Variants in NTM observed in about 807,000 individuals in gnomAD.
NTM encodes IgLON family member 2.
NTM carries 13 observed loss-of-function variants against 42.1 expected under a neutral mutation model. That is an observed-to-expected ratio of 0.31 (90% confidence interval 0.20 to 0.49). The LOEUF (loss-of-function observed/expected upper bound fraction) is 0.49, where lower values mean the gene tolerates loss of function less well. NTM is among the 20% of genes least tolerant of loss of function. NTM has a pLI of 0.99. For synonymous variants in NTM, 187 were observed against 179.2 expected (o/e 1.04, Z -0.35); for missense variants, 373 against 452.8 (o/e 0.82, Z 1.60).
intron 1 of NTM, among the ~76,000 whole-genome samples, chr11:131,880,951 A>G (rs896926232): frequency 6.6e-6 from 1 of 152,198 alleles, no homozygotes; most frequent in African/African-American, 2.4e-5. Flanking sequence ...CTTAAAAGAT[A>G]TTAGCCACCA....
intron 1 of NTM, among the ~76,000 whole-genome samples, chr11:131,521,383 C>CTGTTTT (rs2049668246): frequency 2.2e-5 from 1 of 45,720 alleles, no homozygotes; most frequent in South Asian, 9.3e-4. Flanking sequence ...AGGTGCCAGT[C>CTGTTTT]TTTTTTTTTT....
At chr11:132,052,935 G>T (rs2079068041) in intron 2 of NTM, among the ~76,000 whole-genome samples, 1 of 151,972 alleles carries the variant, frequency 6.6e-6, no homozygotes, top group Non-Finnish European at 1.5e-5. Flanking sequence ...CTCTAAAATG[G>T]ACCTAAACTA....
intron 5 of NTM, among the ~76,000 whole-genome samples, chr11:132,309,892 C>CTAAAAATACAAAAATTAGGCAG (rs2095226811): frequency 1.3e-5 from 2 of 152,114 alleles, no homozygotes; most frequent in South Asian, 4.2e-4. Context: ...CCCGTCGCTG[C>CTAAAAATACAAAAATTAGGCAG]TAAAAATACA....
At position 131,840,431 on chromosome 11, in the gene NTM, G is replaced by A. The variant is rs114871250; in HGVS notation, c.83-71133G>A. Among the ~76,000 whole-genome samples, 459 of 152,230 alleles carry A rather than the reference G, an allele frequency of 3.0e-3. 1 individual carries two copies. The highest frequency in any genetic ancestry group is 0.01 in the African/African-American group (432 of 41,542). On this transcript the variant is annotated intron_variant, in intron 1 of 8. Transcript: ENST00000683400. ...TCGATCAACTGTGTCACACGCTGCCGATGGACCAAGTAAGAGGAGGTCTGA... is the reference window on the plus strand; with the variant it reads ...TCGATCAACTGTGTCACACGCTGCCAATGGACCAAGTAAGAGGAGGTCTGA...
chr11:131,524,691 AATTT>A (rs1177410153), intron 1 of NTM, among the ~76,000 whole-genome samples: 3 of 152,232 alleles, frequency 2.0e-5, no homozygotes, highest in Non-Finnish European at 4.4e-5. Context: ...TCTGAGACGT[AATTT>A]AGCAAATAAG....
intron 4 of NTM, among the ~76,000 whole-genome samples, chr11:132,283,662 C>T (rs1298597663): frequency 2.0e-5 from 3 of 152,220 alleles, no homozygotes; most frequent in African/African-American, 7.2e-5. Context: ...CCAGTTCTCT[C>T]TGCAGTTGCT....
At chr11:131,797,995 T>TA (rs139540828) in intron 1 of NTM, among the ~76,000 whole-genome samples, 11,733 of 151,338 alleles carry the variant, frequency 0.078, 791 homozygotes, top group Admixed American at 0.24. Flanking sequence ...TTTATGAAAT[T>TA]AAAAAAAAAT....
chr11:131,789,877 A>T (rs1026756044), intron 1 of NTM, among the ~76,000 whole-genome samples: 7 of 141,366 alleles, frequency 5.0e-5, no homozygotes, highest in African/African-American at 1.8e-4. Flanking sequence ...AATGGCGTGA[A>T]CCCGGGAGGC....
At chr11:131,452,506 G>A (rs1294344616) in intron 1 of NTM, among the ~76,000 whole-genome samples, 1 of 152,244 alleles carries the variant, frequency 6.6e-6, no homozygotes, top group East Asian at 1.9e-4. Context: ...ACTGACATGT[G>A]TGTGCTCATT....
Position 132,286,801 on chromosome 11 carries a change from A to G in NTM, c.527-20888A>G, listed in dbSNP as rs527556334. ...GACCACCATGACAATGGTGTATCCA[A>G]TGAGAAAACAAACTAGGGAGATGCA... is the stretch of plus-strand genomic sequence containing the variant. On this transcript the variant is annotated intron_variant, in intron 4 of 8. Coordinates refer to ENST00000683400, the MANE Select transcript of NTM (RefSeq NM_001352005.2). 5.4e-4 allele frequency among the ~76,000 whole-genome samples: 83 copies of G among 152,296 alleles called. No homozygotes were observed. In the South Asian group the frequency reaches 0.014, roughly 25 times the overall value.
intron 2 of NTM, among the ~76,000 whole-genome samples, chr11:132,061,733 G>C (rs954630890): frequency 6.6e-6 from 1 of 152,120 alleles, no homozygotes; most frequent in Admixed American, 6.5e-5. Flanking sequence ...AATGTCACAG[G>C]AGACCTCAGG....
At chr11:131,433,460 C>T (rs1039738990) in intron 1 of NTM, among the ~76,000 whole-genome samples, 2 of 152,138 alleles carry the variant, frequency 1.3e-5, no homozygotes, top group Non-Finnish European at 2.9e-5. Flanking sequence ...CCTCCAGGGC[C>T]TCATGACTTT....
At chr11:131,853,617 C>T (rs1008013969) in intron 1 of NTM, among the ~76,000 whole-genome samples, 2 of 152,192 alleles carry the variant, frequency 1.3e-5, no homozygotes, top group African/African-American at 4.8e-5. Flanking sequence ...TATAAATATA[C>T]TACGTTTTCT....
chr11:131,822,050 C>A (rs1181853490), intron 1 of NTM, among the ~76,000 whole-genome samples: 1 of 152,200 alleles, frequency 6.6e-6, no homozygotes, highest in African/African-American at 2.4e-5. Flanking sequence ...ACTTTTAGAG[C>A]TCCCTTTAGG....
chr11:132,122,708 A>T (rs541431979), intron 2 of NTM, among the ~76,000 whole-genome samples: 1 of 152,334 alleles, frequency 6.6e-6, no homozygotes, highest in African/African-American at 2.4e-5. Flanking sequence ...TTTCCACACC[A>T]GCTGTATTTG....
intron 1 of NTM, among the ~76,000 whole-genome samples, chr11:131,683,176 A>G (rs1024616596): frequency 2.6e-5 from 4 of 152,182 alleles, no homozygotes; most frequent in African/African-American, 9.6e-5. Context: ...TGCATGCTTT[A>G]TTCCTAATCA....
At chr11:131,676,625 A>G (rs887239108) in intron 1 of NTM, among the ~76,000 whole-genome samples, 1 of 152,262 alleles carries the variant, frequency 6.6e-6, no homozygotes, top group Non-Finnish European at 1.5e-5. Context: ...ATGTTTTAAC[A>G]TGGGCCTTCA....
At chr11:132,166,132 C>T (rs1317967955) in intron 3 of NTM, among the ~76,000 whole-genome samples, 1 of 152,078 alleles carries the variant, frequency 6.6e-6, no homozygotes, top group East Asian at 1.9e-4. Flanking sequence ...CTTTTCTTTA[C>T]TATCCCCATC....
intron 1 of NTM, among the ~76,000 whole-genome samples, chr11:131,790,988 G>A (rs1466234018): frequency 1.3e-5 from 2 of 152,150 alleles, no homozygotes; most frequent in African/African-American, 2.4e-5. Flanking sequence ...GATGCTTTAA[G>A]GTTTACAAAA....
Sources: gnomAD v4.1 joint callset for allele counts (sites outside exome capture counted in the v4.1 genomes callset) on GRCh38, gnomAD v4.1.1 for gene constraint, MANE v1.5 for transcripts, NCBI Gene and HGNC (gene_info 2026-07-23, HGNC 2026-07-21) for gene names.